Variants in RGS6 observed in about 807,000 individuals in gnomAD.
RGS6 encodes regulator of G protein signaling 6, also known as regulator of G-protein signaling 6.
In RGS6, 30 loss-of-function variants were observed where a neutral mutation model predicts 78.5. That is an observed-to-expected ratio of 0.38 (90% confidence interval 0.29 to 0.52). The LOEUF (loss-of-function observed/expected upper bound fraction) is 0.52. RGS6 is among the 20% of genes least tolerant of loss of function. The probability of loss-of-function intolerance (pLI) is 0.85; values close to 1 mark genes in which losing one functional copy is unlikely to be tolerated. For missense variants in RGS6, 495 were observed against 609.7 expected, an observed-to-expected ratio of 0.81 and a Z score of 1.98; for synonymous variants, 206 against 206.0, an observed-to-expected ratio of 1.00 and a Z score of 0.00.
At chr14:71,998,916 T>C (rs1443214456) in intron 2 of RGS6, among the ~76,000 whole-genome samples, 1 of 152,170 alleles carries the variant, frequency 6.6e-6, no homozygotes, top group Non-Finnish European at 1.5e-5. Flanking sequence ...AGTGAGCATA[T>C]TGTGTTCCAA....
chr14:72,016,028 CTAAT>C, intron 2 of RGS6, among the ~76,000 whole-genome samples: 1 of 152,278 alleles, frequency 6.6e-6, no homozygotes, highest in Non-Finnish European at 1.5e-5. Context: ...TATGATGTCT[CTAAT>C]TAAACAGCCG....
Position 72,518,459 on chromosome 14 carries a change from C to A in RGS6, c.1200C>A (p.Ile400=). ...EFLAPGAPSA[I]NLDSHSYEIT... ...TGGCTCCAGGGGCTCCAAGTGCAATCAACCTGGATTCTCACAGCTATGAGA... is the reference window on the plus strand; with the variant it reads ...TGGCTCCAGGGGCTCCAAGTGCAATAAACCTGGATTCTCACAGCTATGAGA... The change falls in exon 15 of 18, where the codon ATC becomes ATA. Residue 400 remains isoleucine (I), a synonymous_variant. Transcript: ENST00000553525. 6.2e-7 allele frequency: 1 copy of A among 1,614,216 alleles called. No homozygotes were observed. The highest frequency in any genetic ancestry group is 1.1e-5 in the South Asian group (1 of 91,086).
chr14:72,136,215 C>T (rs1187285785), intron 2 of RGS6, among the ~76,000 whole-genome samples: 2 of 152,086 alleles, frequency 1.3e-5, no homozygotes, highest in Non-Finnish European at 2.9e-5. Flanking sequence ...TTTACACTCC[C>T]ACTATCACCC....
chr14:72,478,207 G>C, intron 11 of RGS6, 61 bp from the exon 12 acceptor site: 1 of 1,272,820 alleles, frequency 7.9e-7, no homozygotes, highest in Non-Finnish European at 1.1e-6. Flanking sequence ...TGGGTTTGTG[G>C]AGCGAGGGGA....
the RGS6 span, among the ~76,000 whole-genome samples, chr14:71,892,466 T>TAA: frequency 6.6e-6 from 1 of 152,242 alleles, no homozygotes. Context: ...AGCTGCTTAA[T>TAA]AATGAATGAA....
At chr14:72,076,009 T>C (rs1428812271) in intron 2 of RGS6, among the ~76,000 whole-genome samples, 1 of 152,202 alleles carries the variant, frequency 6.6e-6, no homozygotes, top group Non-Finnish European at 1.5e-5. Context: ...AACCTTTTGT[T>C]TTCCAGACAA....
chr14:72,094,119 G>A (rs2095346886), intron 2 of RGS6, among the ~76,000 whole-genome samples: 2 of 152,086 alleles, frequency 1.3e-5, no homozygotes, highest in Admixed American at 6.6e-5. Flanking sequence ...AGAATTTCTG[G>A]ACAGGAAAAT....
chr14:71,930,572 T>A (rs189384624), upstream of RGS6, among the ~76,000 whole-genome samples: 1,077 of 152,134 alleles, frequency 7.1e-3, 15 homozygotes, highest in Admixed American at 0.038. Flanking sequence ...TATTTTTTTT[T>A]AAAGAGAAGT....
intron 2 of RGS6, among the ~76,000 whole-genome samples, chr14:72,291,279 C>G (rs1488452645): frequency 6.6e-6 from 1 of 152,032 alleles, no homozygotes; most frequent in Non-Finnish European, 1.5e-5. Flanking sequence ...AAATACCCAG[C>G]ATCCCCATGC....
chr14:72,043,867 T>G (rs74063028), intron 2 of RGS6, among the ~76,000 whole-genome samples: 246 of 152,288 alleles, frequency 1.6e-3, no homozygotes, highest in African/African-American at 5.6e-3. Context: ...ATGTCGCACC[T>G]TTGCAATTAT....
intron 12 of RGS6, among the ~76,000 whole-genome samples, chr14:72,487,963 G>T (rs12161899): frequency 0.14 from 22,019 of 152,048 alleles, 1,661 homozygotes; most frequent in Admixed American, 0.19. Flanking sequence ...CGCTGACTAG[G>T]AGTGCCTCTT....
intron 2 of RGS6, among the ~76,000 whole-genome samples, chr14:72,277,212 C>T (rs1479015735): frequency 6.6e-6 from 1 of 152,204 alleles, no homozygotes; most frequent in Non-Finnish European, 1.5e-5. Flanking sequence ...ATAGCAGGTG[C>T]ATCAGAGGAG....
chr14:72,219,612 G>T (rs2046385860), intron 2 of RGS6, among the ~76,000 whole-genome samples: 1 of 151,818 alleles, frequency 6.6e-6, no homozygotes, highest in African/African-American at 2.4e-5. Flanking sequence ...GTATATTAGG[G>T]ATATCAATAC....
At chr14:72,603,390 C>T in the RGS6 span, among the ~76,000 whole-genome samples, 3 of 152,230 alleles carry the variant, frequency 2.0e-5, no homozygotes, top group Non-Finnish European at 4.4e-5. Flanking sequence ...GGGAGGAGAT[C>T]TGCTTCTGAT....
At chr14:72,045,153 AT>A (rs1243557490) in intron 2 of RGS6, among the ~76,000 whole-genome samples, 5 of 152,110 alleles carry the variant, frequency 3.3e-5, no homozygotes, top group African/African-American at 1.2e-4. Context: ...TTGTCTATCT[AT>A]TTATCCTATT....
the RGS6 span, among the ~76,000 whole-genome samples, chr14:72,617,597 C>G: frequency 1.3e-5 from 2 of 152,198 alleles, no homozygotes; most frequent in South Asian, 4.1e-4. Flanking sequence ...AGGAGAGTGA[C>G]CCCCATCGCT....
chr14:72,352,271 G>T (rs1424473172), intron 3 of RGS6, 77 bp downstream of exon 3: 12 of 1,008,282 alleles, frequency 1.2e-5, no homozygotes, highest in African/African-American at 3.2e-5. Context: ...GGCCTGAGGG[G>T]TGTCTGAAGA....
At chr14:72,531,181 C>T (rs2097177851) in intron 15 of RGS6, among the ~76,000 whole-genome samples, 2 of 152,266 alleles carry the variant, frequency 1.3e-5, no homozygotes, top group South Asian at 2.1e-4. Flanking sequence ...GCCTGTAATC[C>T]CAGCACTTTG....
intron 3 of RGS6, among the ~76,000 whole-genome samples, chr14:72,352,703 G>A (rs1409547753): frequency 1.3e-5 from 2 of 151,892 alleles, no homozygotes; most frequent in Non-Finnish European, 2.9e-5. Flanking sequence ...TAAAACACAT[G>A]GGTAGTTCAA....
Sources: allele counts gnomAD v4.1 joint callset (sites outside exome capture counted in the v4.1 genomes callset), GRCh38; gene constraint gnomAD v4.1.1; transcripts MANE v1.5; gene names NCBI Gene and HGNC (gene_info 2026-07-23, HGNC 2026-07-21).